ZC3H3: variants seen among roughly 807,000 people sequenced by gnomAD.
ZC3H3 encodes zinc finger CCCH domain-containing protein 3.
A neutral mutation model predicts 77.3 loss-of-function variants in ZC3H3; 36 were observed. That is an observed-to-expected ratio of 0.47 (90% CI 0.36 to 0.61). The LOEUF (loss-of-function observed/expected upper bound fraction) is 0.61. Ranked by LOEUF, ZC3H3 falls within the 20% of genes least tolerant of loss-of-function variation. The probability of loss-of-function intolerance (pLI) is 0.00; values close to 1 mark genes in which losing one functional copy is unlikely to be tolerated. For missense variants in ZC3H3, 1,331 were observed against 1,312.2 expected (o/e 1.01, Z -0.22); for synonymous variants, 626 against 555.2 (o/e 1.13, Z -1.79).
chr8:143,468,224 A>G lies in ZC3H3; in HGVS notation c.2160T>C (p.His720=). 6.2e-7 allele frequency: 1 copy of G among 1,612,876 alleles called. No individual in the cohort carries two copies. Among genetic ancestry groups the G allele is most frequent in the South Asian group, 1.1e-5 (1 of 91,064 alleles). Residue 720 remains histidine (H), a synonymous_variant, in exon 8 of 12, where the codon CAT becomes CAC. Coordinates refer to ENST00000262577, the MANE Select transcript of ZC3H3 (RefSeq NM_015117.3). The stretch of plus-strand genomic sequence containing the variant: ...CCGCACTCACCTTCTCCTTGGACAC[A>G]TGGTGGGAGAAGGGGCAGGTCCCAT... ...KTDGTCPFSH[H]VSKEKMPVCS...
chr8:143,537,277 G>A (rs913872290), intron 2 of ZC3H3, among the ~76,000 whole-genome samples: 3 of 152,304 alleles, frequency 2.0e-5, no homozygotes, highest in East Asian at 3.9e-4. Context: ...CCTGGCCAAG[G>A]GGGCTGGGAC....
intron 4 of ZC3H3, among the ~76,000 whole-genome samples, chr8:143,479,123 G>A (rs1405639462): frequency 6.6e-6 from 1 of 152,258 alleles, no homozygotes; most frequent in African/African-American, 2.4e-5. Flanking sequence ...ATCCTGGGAA[G>A]ATGCTGTGGC....
chr8:143,521,399 A>AC (rs147992696), intron 3 of ZC3H3, among the ~76,000 whole-genome samples: 4,240 of 104,306 alleles, frequency 0.041, 181 homozygotes, highest in African/African-American at 0.12. Context: ...CTGGTGCCCC[A>AC]TGGGCAGCCC....
intron 2 of ZC3H3, among the ~76,000 whole-genome samples, chr8:143,536,979 T>C (rs1025112837): frequency 6.7e-6 from 1 of 148,262 alleles, no homozygotes; most frequent in East Asian, 2.0e-4. Context: ...CGGGTGCCCA[T>C]GCGCCTCAAC....
intron 4 of ZC3H3, among the ~76,000 whole-genome samples, chr8:143,485,917 G>A (rs978919963): frequency 3.9e-5 from 6 of 152,276 alleles, no homozygotes; most frequent in Non-Finnish European, 7.3e-5. Flanking sequence ...AGCATGGCAA[G>A]AACAGGAGAC....
intron 9 of ZC3H3, among the ~76,000 whole-genome samples, chr8:143,455,830 A>C (rs1820102744): frequency 6.6e-6 from 1 of 151,824 alleles, no homozygotes; most frequent in Non-Finnish European, 1.5e-5. Flanking sequence ...AAAATTAGTC[A>C]GGCGTGGTGG....
At chr8:143,475,220 C>T (rs1312760082) in intron 5 of ZC3H3, among the ~76,000 whole-genome samples, 178 bp downstream of exon 5, 1 of 152,228 alleles carries the variant, frequency 6.6e-6, no homozygotes, top group Admixed American at 6.5e-5. Context: ...TTGGGAAGTG[C>T]TTGTTTGGAC....
chr8:143,539,460 C>G, intron 1 of ZC3H3, 140 bp from the exon 2 acceptor site: 2 of 920,784 alleles, frequency 2.2e-6, no homozygotes, highest in Non-Finnish European at 3.2e-6. Context: ...GAGGGGCAGC[C>G]CCCAGAGCCT....
Position 143,523,491 on chromosome 8 carries a change from T to C in ZC3H3, c.1561+12766A>G, listed in dbSNP as rs143693609. On this transcript the variant is annotated intron_variant, in intron 3 of 11. Coordinates refer to ENST00000262577, the MANE Select transcript of ZC3H3 (RefSeq NM_015117.3). ...AAGACACTCCCCGCTGCAAGCTCCA[T>C]GTGGCCCTACAGACGGAAGCCACCT... The C allele has an allele frequency of 8.3e-5, 82 of 985,438 alleles. 2 individuals carry two copies. In the East Asian group the frequency reaches 6.1e-3, roughly 74 times the overall value. The allele number at this position is 985,438 out of a possible 1,614,324, so 61.0% of individuals were successfully genotyped here. A position where few individuals can be genotyped will look rare whatever the true frequency, so the allele number is the denominator to read the frequency against.
intron 4 of ZC3H3, among the ~76,000 whole-genome samples, chr8:143,480,058 T>C (rs1374133266): frequency 6.6e-6 from 1 of 152,164 alleles, no homozygotes; most frequent in Non-Finnish European, 1.5e-5. Context: ...TCGGACCTGC[T>C]GAGTGCTGCC....
chr8:143,454,204 C>G (rs1356724049), intron 9 of ZC3H3, among the ~76,000 whole-genome samples: 8 of 151,424 alleles, frequency 5.3e-5, no homozygotes, highest in Admixed American at 5.3e-4. Flanking sequence ...GCCTCAGCCT[C>G]CCAAGTAGCT....
At chr8:143,496,283 C>G (rs1383023445) in intron 4 of ZC3H3, among the ~76,000 whole-genome samples, 1 of 152,212 alleles carries the variant, frequency 6.6e-6, no homozygotes, top group Non-Finnish European at 1.5e-5. Context: ...CTTAGCACCA[C>G]TGACACCTGT....
chr8:143,440,181 G>A lies in ZC3H3; in HGVS notation c.2675C>T (p.Ser892Phe). Residue 892 changes from serine (S) to phenylalanine (F), a missense_variant, in exon 11 of 12, where the codon TCT (serine) becomes TTT (phenylalanine). By Grantham distance (155) the Ser-to-Phe change is radical. Around this residue, in one of 3 missense-constraint regions of ZC3H3, gnomAD observed 249 missense variants for 236.9 expected, o/e 1.05. Coordinates refer to ENST00000262577, the MANE Select transcript of ZC3H3 (RefSeq NM_015117.3). ...PPASLDHEAP[S>F]LQEAALAAAC... ...TGCTGCTAAGGCAGCCTCCTGGAGA[G>A]ATGGTGCCTCGTGGTCCAAGGAAGC... 3 of 1,612,022 alleles carry A rather than the reference G, an allele frequency of 1.9e-6. No homozygotes were observed. Among genetic ancestry groups the A allele is most frequent in the East Asian group, 2.2e-5 (1 of 44,856 alleles).
At chr8:143,449,087 G>A (rs1250691976) in intron 9 of ZC3H3, among the ~76,000 whole-genome samples, 1 of 152,236 alleles carries the variant, frequency 6.6e-6, no homozygotes, top group Admixed American at 6.5e-5. Flanking sequence ...GTGGGGCTCT[G>A]GGCCAGGTCC....
intron 4 of ZC3H3, among the ~76,000 whole-genome samples, chr8:143,483,776 C>T (rs1193858597): frequency 1.3e-5 from 2 of 152,208 alleles, no homozygotes; most frequent in Non-Finnish European, 2.9e-5. Flanking sequence ...GGCCCCCTAT[C>T]CTCCAAACCC....
Position 143,539,275 on chromosome 8 carries a change from G to C in ZC3H3, c.92C>G (p.Pro31Arg). 6.2e-7 allele frequency: 1 copy of C among 1,612,588 alleles called. No individual in the cohort carries two copies. Residue 31 changes from proline to arginine, a missense_variant, in exon 2 of 12, where the codon CCT (proline) becomes CGT (arginine). Physicochemically the swap from Pro to Arg is moderately radical, Grantham distance 103. This residue lies in a region of ZC3H3 where 978 missense variants were observed against 915.5 expected (regional missense o/e 1.07). Coordinates refer to ENST00000262577, the MANE Select transcript of ZC3H3 (RefSeq NM_015117.3). The part of the protein sequence containing the change: ...YKTLHGNAPA[P>R]GTPAASGWQP... ...CCACCCAGAAGCTGCTGGGGTACCA[G>C]GGGCCGGGGCATTGCCGTGGAGGGT...
At chr8:143,535,585 C>G (rs1445367956) in intron 3 of ZC3H3, among the ~76,000 whole-genome samples, 1 of 152,246 alleles carries the variant, frequency 6.6e-6, no homozygotes, top group African/African-American at 2.4e-5. Context: ...CACATACCCC[C>G]AACCACGTGC....
chr8:143,536,952 C>G (rs947865075), intron 2 of ZC3H3, among the ~76,000 whole-genome samples: 1 of 152,262 alleles, frequency 6.6e-6, no homozygotes, highest in Non-Finnish European at 1.5e-5. Context: ...CACCGAGAAA[C>G]AGCCAGGAGT....
chr8:143,477,659 G>GC (rs1820773954), intron 4 of ZC3H3, among the ~76,000 whole-genome samples: 1 of 152,190 alleles, frequency 6.6e-6, no homozygotes, highest in Non-Finnish European at 1.5e-5. Flanking sequence ...AGCCTGGGGG[G>GC]CTCAGAGGCA....
Sources: allele counts gnomAD v4.1 joint callset (sites outside exome capture counted in the v4.1 genomes callset), GRCh38; gene constraint gnomAD v4.1.1; regional missense constraint gnomAD v4.1.1; transcripts MANE v1.5; gene names NCBI Gene and HGNC (gene_info 2026-07-23, HGNC 2026-07-21).